SCNN1B: variants seen among roughly 807,000 people sequenced by gnomAD.
SCNN1B encodes the protein sodium channel epithelial 1 subunit beta, also known as epithelial sodium channel subunit beta.
A neutral mutation model predicts 65.3 loss-of-function variants in SCNN1B; 46 were observed. That is an observed-to-expected ratio of 0.70 (90% CI 0.56 to 0.90). SCNN1B has a LOEUF of 0.90. Ranked by LOEUF, SCNN1B falls within the 40% of genes least tolerant of loss-of-function variation. The probability of loss-of-function intolerance (pLI) is 0.00; values close to 1 mark genes in which losing one functional copy is unlikely to be tolerated. For synonymous variants in SCNN1B, 349 were observed against 330.6 expected, an observed-to-expected ratio of 1.06 and a Z score of -0.60; for missense variants, 751 against 830.5, an observed-to-expected ratio of 0.90 and a Z score of 1.18.
intron 1 of SCNN1B, among the ~76,000 whole-genome samples, chr16:23,331,826 G>C (rs1422640910): frequency 6.6e-6 from 1 of 152,138 alleles, no homozygotes; most frequent in African/African-American, 2.4e-5. Flanking sequence ...TGTCTCAACA[G>C]GGGCCTCTTT....
intron 3 of SCNN1B, among the ~76,000 whole-genome samples, chr16:23,354,580 T>A (rs1962378303): frequency 6.6e-6 from 1 of 152,238 alleles, no homozygotes; most frequent in African/African-American, 2.4e-5. Context: ...TGACTGGGTC[T>A]GTGTCTTTCC....
chr16:23,310,807 C>A (rs1333522797), intron 1 of SCNN1B, among the ~76,000 whole-genome samples: 1 of 152,254 alleles, frequency 6.6e-6, no homozygotes, highest in Non-Finnish European at 1.5e-5. Context: ...TGAAAAGATT[C>A]TCAACTGCAC....
chr16:23,361,464 T>C (rs1380882300), intron 4 of SCNN1B, among the ~76,000 whole-genome samples: 3 of 152,218 alleles, frequency 2.0e-5, no homozygotes, highest in African/African-American at 7.2e-5. Context: ...CCACCCCTCC[T>C]AGAGAGAAGA....
chr16:23,311,971 G>A (rs1961353602), intron 1 of SCNN1B, among the ~76,000 whole-genome samples: 1 of 143,550 alleles, frequency 7.0e-6, no homozygotes, highest in Non-Finnish European at 1.5e-5. Context: ...GGTTGCATTT[G>A]GGGGTGCGGT....
intron 1 of SCNN1B, among the ~76,000 whole-genome samples, chr16:23,317,656 G>C (rs1312032811): frequency 6.6e-6 from 1 of 152,210 alleles, no homozygotes; most frequent in Non-Finnish European, 1.5e-5. Flanking sequence ...GGGTTCCCCA[G>C]AGCGGCTGGC....
chr16:23,361,100 T>C, intron 4 of SCNN1B, among the ~76,000 whole-genome samples: 1 of 151,850 alleles, frequency 6.6e-6, no homozygotes, highest in Non-Finnish European at 1.5e-5. Context: ...AGCGTAAATT[T>C]TGTATTTTTA....
intron 4 of SCNN1B, among the ~76,000 whole-genome samples, chr16:23,364,587 A>T (rs926663693): frequency 6.6e-6 from 1 of 152,190 alleles, no homozygotes; most frequent in African/African-American, 2.4e-5. Context: ...CAGAAGGAAG[A>T]CTTTAAGGAT....
chr16:23,287,066 G>T (rs1015036948), intron 2 of SCNN1B, among the ~76,000 whole-genome samples: 1 of 150,672 alleles, frequency 6.6e-6, no homozygotes, highest in Non-Finnish European at 1.5e-5. Flanking sequence ...GTACAATGGG[G>T]TGATCTCCAC....
intron 2 of SCNN1B, among the ~76,000 whole-genome samples, chr16:23,350,710 C>T (rs152732): frequency 0.2 from 30,551 of 151,894 alleles, 3,214 homozygotes; most frequent in East Asian, 0.4. Context: ...GTCAGGAGTT[C>T]GAGACCAGCC....
At chr16:23,295,250 A>T (rs1960979463) in intron 2 of SCNN1B, among the ~76,000 whole-genome samples, 1 of 151,738 alleles carries the variant, frequency 6.6e-6, no homozygotes. Flanking sequence ...ACCAGGTCTC[A>T]CTCTGTTACC....
At chr16:23,365,701 A>G (rs1258081673) in intron 4 of SCNN1B, among the ~76,000 whole-genome samples, 1 of 152,194 alleles carries the variant, frequency 6.6e-6, no homozygotes, top group African/African-American at 2.4e-5. Context: ...GGAAGCTGCA[A>G]AAGGCAGCCC....
chr16:23,371,582 C>G (rs1167603964), intron 6 of SCNN1B, 120 bp downstream of exon 6: 1 of 1,190,012 alleles, frequency 8.4e-7, no homozygotes, highest in Non-Finnish European at 1.2e-6. Flanking sequence ...GGCCTTCCTT[C>G]CTTTTGGCTG....
chr16:23,300,848 T>C (rs1011750961), upstream of SCNN1B, among the ~76,000 whole-genome samples: 19 of 151,826 alleles, frequency 1.3e-4, no homozygotes, highest in African/African-American at 3.9e-4. Flanking sequence ...AAGAAAAAAA[T>C]TGTAAAAAAG....
At chr16:23,344,455 C>A (rs1164571271) in intron 1 of SCNN1B, among the ~76,000 whole-genome samples, 2 of 152,244 alleles carry the variant, frequency 1.3e-5, no homozygotes, top group East Asian at 3.8e-4. Flanking sequence ...ACCTATGTGG[C>A]TTTGGGGTGC....
intron 4 of SCNN1B, among the ~76,000 whole-genome samples, chr16:23,362,472 T>C (rs1395569618): frequency 6.6e-6 from 1 of 152,236 alleles, no homozygotes; most frequent in African/African-American, 2.4e-5. Flanking sequence ...TTTCCTGACC[T>C]CTGACCACAC....
chr16:23,364,360 G>T lies in SCNN1B; in HGVS notation c.777-3496G>T, dbSNP rs72774371. ...GGGAGAAGCCAGTATCTGAAGAGCT[G>T]GTTAGAGAATATTCCAGGCACAAAG... is the stretch of plus-strand genomic sequence containing the variant. On this transcript the variant is annotated intron_variant, in intron 4 of 12. Coordinates refer to ENST00000343070, the MANE Select transcript of SCNN1B (RefSeq NM_000336.3). 7.6e-3 allele frequency among the ~76,000 whole-genome samples: 1,157 copies of T among 152,210 alleles called. 4 individuals carry two copies. The highest frequency in any genetic ancestry group is 0.027 in the Middle Eastern group (8 of 294).
At position 23,380,879 on chromosome 16, in the gene SCNN1B, C is replaced by A. The variant is rs1481646555; in HGVS notation, c.*78C>A. 4 of 1,515,900 alleles carry A rather than the reference C, an allele frequency of 2.6e-6. No individual in the cohort carries two copies. The East Asian group carries it at 9.0e-5, about 34-fold the overall frequency. The allele number at this position is 1,515,900 out of a possible 1,614,324, so 93.9% of individuals were successfully genotyped here. ...TTGCCCGAGGCCTCACTGTATGGTG[C>A]CCTCTCCAAAGGGTCGGGAGGGTAG... On this transcript the variant is annotated 3_prime_UTR_variant, in exon 13 of 13. Transcript: ENST00000343070. The surrounding 1 kb of genome is among the most constrained non-coding windows in gnomAD (Gnocchi z 5.4).
chr16:23,300,617 C>T (rs1309439518), upstream of SCNN1B, among the ~76,000 whole-genome samples: 4 of 151,702 alleles, frequency 2.6e-5, no homozygotes, highest in Admixed American at 2.6e-4. Flanking sequence ...GGGAAGATTG[C>T]TTGAGGCCAG....
At chr16:23,305,576 A>T (rs56353060) in intron 1 of SCNN1B, among the ~76,000 whole-genome samples, 6 of 25,196 alleles carry the variant, frequency 2.4e-4, no homozygotes, top group Non-Finnish European at 3.6e-4. Context: ...ATATATATAT[A>T]TTATATATAT....
Sources: gnomAD v4.1 joint callset for allele counts (sites outside exome capture counted in the v4.1 genomes callset) on GRCh38, gnomAD v4.1.1 for gene constraint, Gnocchi (gnomAD v3.1) non-coding constraint, MANE v1.5 for transcripts, NCBI Gene and HGNC (gene_info 2026-07-23, HGNC 2026-07-21) for gene names.